Variants in GRID2 observed in about 807,000 individuals in gnomAD.
GRID2 encodes glutamate receptor ionotropic, delta-2.
In GRID2, 33 loss-of-function variants were observed where a neutral mutation model predicts 114.8. The observed-to-expected ratio is 0.29, with a 90% CI of 0.22 to 0.38. The LOEUF (loss-of-function observed/expected upper bound fraction) is 0.38. Ranked by LOEUF, GRID2 falls within the 10% of genes least tolerant of loss-of-function variation. The pLI is 1.00. For synonymous variants in GRID2, 505 were observed against 449.9 expected (o/e 1.12, Z -1.55); for missense variants, 1,184 against 1,257.7 (o/e 0.94, Z 0.89).
chr4:93,276,530 G>C (rs1205331798), intron 8 of GRID2, among the ~76,000 whole-genome samples: 1 of 151,974 alleles, frequency 6.6e-6, no homozygotes, highest in Non-Finnish European at 1.5e-5. Flanking sequence ...GGGAAGCACT[G>C]TCATTTAAAC....
At chr4:93,558,694 C>G (rs781021339) in intron 13 of GRID2, among the ~76,000 whole-genome samples, 1 of 152,108 alleles carries the variant, frequency 6.6e-6, no homozygotes, top group Non-Finnish European at 1.5e-5. Flanking sequence ...GAAACTATTC[C>G]AAACAATAGA....
chr4:92,584,595 G>A (rs1728335955), intron 1 of GRID2, among the ~76,000 whole-genome samples: 1 of 151,860 alleles, frequency 6.6e-6, no homozygotes, highest in Non-Finnish European at 1.5e-5. Context: ...CTAGTCTTAC[G>A]ATCAGCATTT....
intron 8 of GRID2, among the ~76,000 whole-genome samples, chr4:93,242,101 C>T (rs1747593235): frequency 6.6e-6 from 1 of 151,828 alleles, no homozygotes; most frequent in African/African-American, 2.4e-5. Flanking sequence ...TGTTTGCAAG[C>T]AAGTCTTTAT....
chr4:93,056,734 CT>C (rs1223018070), intron 2 of GRID2, among the ~76,000 whole-genome samples: 1 of 151,820 alleles, frequency 6.6e-6, no homozygotes, highest in Non-Finnish European at 1.5e-5. Flanking sequence ...GGGTAAATTA[CT>C]TTTCTAAGGC....
At chr4:93,765,620 AT>A (rs1014787525) in intron 14 of GRID2, among the ~76,000 whole-genome samples, 3 of 148,606 alleles carry the variant, frequency 2.0e-5, no homozygotes, top group Admixed American at 6.8e-5. Context: ...ATATATATAT[AT>A]ATATATATAT....
chr4:93,725,876 G>A (rs1229836042), intron 14 of GRID2, among the ~76,000 whole-genome samples: 1 of 152,094 alleles, frequency 6.6e-6, no homozygotes, highest in East Asian at 1.9e-4. Context: ...GTAGATTCTG[G>A]ATATTAGCCC....
At chr4:92,371,982 A>G (rs1156369176) in intron 1 of GRID2, among the ~76,000 whole-genome samples, 1 of 152,184 alleles carries the variant, frequency 6.6e-6, no homozygotes, top group Non-Finnish European at 1.5e-5. Context: ...GAAGAGGTCA[A>G]GACTTCAGTG....
At chr4:93,341,545 A>G (rs999914818) in intron 8 of GRID2, among the ~76,000 whole-genome samples, 1 of 151,914 alleles carries the variant, frequency 6.6e-6, no homozygotes, top group Non-Finnish European at 1.5e-5. Flanking sequence ...GTGATCTCGA[A>G]CTCCTGGCCT....
chr4:92,635,878 T>A (rs1345089756), intron 2 of GRID2, among the ~76,000 whole-genome samples: 2 of 152,076 alleles, frequency 1.3e-5, no homozygotes, highest in Non-Finnish European at 2.9e-5. Flanking sequence ...TTTAACAATA[T>A]TATATTTGCA....
Position 93,578,918 on chromosome 4 carries a change from A to G in GRID2, c.2194-47351A>G, listed in dbSNP as rs114422638. Among the ~76,000 whole-genome samples the G allele has an allele frequency of 7.5e-3, 1,149 of 152,228 alleles. 11 individuals carry two copies. Among genetic ancestry groups the G allele is most frequent in the African/African-American group, 0.026 (1,066 of 41,530 alleles). ...GCCTTGCTTTCATTAACTGTCAGAC[A>G]TTCTTCCATAATAGTTTTTCCTATA... On this transcript the variant is annotated intron_variant, in intron 13 of 15. Transcript: ENST00000282020.
chr4:92,624,543 TA>T (rs766811986), intron 2 of GRID2, among the ~76,000 whole-genome samples: 14 of 151,842 alleles, frequency 9.2e-5, no homozygotes, highest in Non-Finnish European at 1.9e-4. Context: ...CTCATCAAAA[TA>T]TTTTTTTCCA....
intron 4 of GRID2, among the ~76,000 whole-genome samples, chr4:93,139,735 A>AACAC (rs70942952): frequency 0.036 from 5,378 of 147,940 alleles, 135 homozygotes; most frequent in African/African-American, 0.077. Context: ...GTACTTTTGA[A>AACAC]ACACACACAC....
intron 13 of GRID2, among the ~76,000 whole-genome samples, chr4:93,594,135 T>A (rs560547185): frequency 1.3e-5 from 2 of 152,210 alleles, no homozygotes; most frequent in African/African-American, 2.4e-5. Flanking sequence ...GGCACTCTGC[T>A]TTTTAGAGTT....
intron 2 of GRID2, among the ~76,000 whole-genome samples, chr4:92,992,472 C>T (rs1337464475): frequency 1.3e-5 from 2 of 152,064 alleles, no homozygotes; most frequent in Admixed American, 1.3e-4. Flanking sequence ...AAAGTATTAT[C>T]TGGAGTTATT....
intron 13 of GRID2, among the ~76,000 whole-genome samples, chr4:93,521,237 T>C (rs148182226): frequency 5.8e-4 from 89 of 152,274 alleles, no homozygotes; most frequent in Non-Finnish European, 9.3e-4. Flanking sequence ...GGCATGGTAG[T>C]TAATATGAAA....
At chr4:93,316,418 A>G (rs1334089300) in intron 8 of GRID2, among the ~76,000 whole-genome samples, 3 of 151,922 alleles carry the variant, frequency 2.0e-5, no homozygotes, top group African/African-American at 4.8e-5. Flanking sequence ...GAAGAAAAGA[A>G]TGAAAGAAGA....
chr4:92,620,357 C>T (rs2075961936), intron 2 of GRID2, among the ~76,000 whole-genome samples: 1 of 151,586 alleles, frequency 6.6e-6, no homozygotes, highest in African/African-American at 2.4e-5. Flanking sequence ...CAAATGGAAA[C>T]TAATAAAGTC....
At chr4:92,746,025 A>G (rs1363402097) in intron 2 of GRID2, among the ~76,000 whole-genome samples, 1 of 152,154 alleles carries the variant, frequency 6.6e-6, no homozygotes, top group Non-Finnish European at 1.5e-5. Flanking sequence ...CATAAACATG[A>G]GAGAATAAAA....
At chr4:92,947,039 T>C (rs1751691071) in intron 2 of GRID2, among the ~76,000 whole-genome samples, 1 of 152,086 alleles carries the variant, frequency 6.6e-6, no homozygotes, top group Non-Finnish European at 1.5e-5. Context: ...CTACCTTGTA[T>C]AATTATGACA....
Sources: gnomAD v4.1 joint callset for allele counts (sites outside exome capture counted in the v4.1 genomes callset) on GRCh38, gnomAD v4.1.1 for gene constraint, MANE v1.5 for transcripts, NCBI Gene and HGNC (gene_info 2026-07-23, HGNC 2026-07-21) for gene names.